Variants in EXOC6B observed in about 807,000 individuals in gnomAD.
EXOC6B encodes SEC15 homolog B.
In EXOC6B, 54 loss-of-function variants were observed where a neutral mutation model predicts 113.5. The ratio of observed to expected loss-of-function variants is 0.48; its 90% CI spans 0.38 to 0.60. The LOEUF is 0.60. Ranked by LOEUF, EXOC6B falls within the 20% of genes least tolerant of loss-of-function variation. EXOC6B has a pLI of 0.00. For synonymous variants in EXOC6B, 357 were observed against 339.0 expected (o/e 1.05, Z -0.58); for missense variants, 797 against 977.5 (o/e 0.82, Z 2.46).
At chr2:72,233,009 T>A (rs2104473641) in intron 20 of EXOC6B, among the ~76,000 whole-genome samples, 1 of 149,750 alleles carries the variant, frequency 6.7e-6, no homozygotes, top group East Asian at 2.0e-4. Flanking sequence ...GAGGTGGAGG[T>A]TTCAGTGAGC....
chr2:72,309,947 G>A (rs1314160730), intron 20 of EXOC6B, among the ~76,000 whole-genome samples: 2 of 152,018 alleles, frequency 1.3e-5, no homozygotes, highest in East Asian at 3.9e-4. Context: ...TTTTTTCAAG[G>A]TTCATCCATG....
chr2:72,519,303 T>C (rs949995245), intron 8 of EXOC6B, among the ~76,000 whole-genome samples: 3 of 152,194 alleles, frequency 2.0e-5, no homozygotes, highest in African/African-American at 7.2e-5. Context: ...TTTTGCACTT[T>C]TTGTTGATGA....
chr2:72,788,712 C>T (rs534371911), intron 1 of EXOC6B, among the ~76,000 whole-genome samples: 3 of 152,142 alleles, frequency 2.0e-5, no homozygotes, highest in Non-Finnish European at 2.9e-5. Context: ...GTGGAAGGAT[C>T]GCGTGAGCCT....
intron 20 of EXOC6B, among the ~76,000 whole-genome samples, chr2:72,281,855 C>T (rs940604130): frequency 2.6e-5 from 4 of 152,192 alleles, no homozygotes; most frequent in African/African-American, 9.6e-5. Context: ...CACAGTGAGA[C>T]CACATCTCTA....
intron 6 of EXOC6B, among the ~76,000 whole-genome samples, chr2:72,648,868 G>T (rs1247541450): frequency 6.6e-6 from 1 of 152,190 alleles, no homozygotes; most frequent in African/African-American, 2.4e-5. Flanking sequence ...CTGAGGCCAG[G>T]TGTGCTGGCT....
intron 6 of EXOC6B, among the ~76,000 whole-genome samples, chr2:72,579,047 T>C (rs1265361613): frequency 6.6e-6 from 1 of 151,988 alleles, no homozygotes; most frequent in East Asian, 1.9e-4. Context: ...AGACTGGAAA[T>C]AGAAAATCTA....
intron 20 of EXOC6B, among the ~76,000 whole-genome samples, chr2:72,215,327 T>G (rs1293199651): frequency 6.6e-6 from 1 of 152,150 alleles, no homozygotes; most frequent in Non-Finnish European, 1.5e-5. Context: ...TCTCTTTAAT[T>G]TATCACTCTA....
intron 20 of EXOC6B, among the ~76,000 whole-genome samples, chr2:72,267,651 G>A (rs756593592): frequency 1.1e-4 from 17 of 152,118 alleles, no homozygotes; most frequent in East Asian, 1.9e-4. Flanking sequence ...TGCTGGATTC[G>A]GTCTGCCAGT....
chr2:72,191,619 G>T (rs952313551), intron 20 of EXOC6B, among the ~76,000 whole-genome samples: 2 of 152,154 alleles, frequency 1.3e-5, no homozygotes, highest in African/African-American at 4.8e-5. Flanking sequence ...CAGAGTAGCT[G>T]GGAAAGACTA....
At chr2:72,431,139 G>T (rs1281523288) in intron 18 of EXOC6B, among the ~76,000 whole-genome samples, 1 of 152,074 alleles carries the variant, frequency 6.6e-6, no homozygotes, top group Non-Finnish European at 1.5e-5. Flanking sequence ...TAAGGCCCCA[G>T]TATCATTTTT....
intron 6 of EXOC6B, among the ~76,000 whole-genome samples, chr2:72,671,569 G>A (rs1320361680): frequency 4.0e-5 from 6 of 151,852 alleles, no homozygotes; most frequent in African/African-American, 1.5e-4. Context: ...GTGGTGGTGG[G>A]TGCCTGTAAT....
chr2:72,526,523 A>G (rs183550446), intron 8 of EXOC6B, among the ~76,000 whole-genome samples: 53 of 151,926 alleles, frequency 3.5e-4, no homozygotes, highest in African/African-American at 1.3e-3. Flanking sequence ...TCAAAATCAC[A>G]TTTGCTACAC....
At position 72,334,906 on chromosome 2, in the gene EXOC6B, A is replaced by G. The variant is rs780193412; in HGVS notation, c.2196+41T>C. 4.4e-6 allele frequency: 7 copies of G among 1,590,548 alleles called. No individual in the cohort carries two copies. The African/African-American group carries it at 9.4e-5, about 21-fold the overall frequency. ...AAGACCTGATGGTCTTCAGTCACACATCTTAAAAGAAAAACAAAAAACAAA... is the reference window on the plus strand; with the variant it reads ...AAGACCTGATGGTCTTCAGTCACACGTCTTAAAAGAAAAACAAAAAACAAA... On this transcript the variant is annotated intron_variant, in intron 20 of 21. Transcript: ENST00000272427.
chr2:72,612,696 A>G (rs1671148786), intron 6 of EXOC6B, among the ~76,000 whole-genome samples: 1 of 152,262 alleles, frequency 6.6e-6, no homozygotes, highest in Non-Finnish European at 1.5e-5. Flanking sequence ...GTGCCTGAGC[A>G]GAAAGACAGA....
chr2:72,780,553 C>T (rs1683968996), intron 1 of EXOC6B, among the ~76,000 whole-genome samples: 1 of 152,186 alleles, frequency 6.6e-6, no homozygotes, highest in South Asian at 2.1e-4. Context: ...GCTATGTACT[C>T]TTAGCTGCAT....
At chr2:72,457,212 T>G (rs1364029127) in intron 18 of EXOC6B, among the ~76,000 whole-genome samples, 2 of 152,066 alleles carry the variant, frequency 1.3e-5, no homozygotes, top group African/African-American at 2.4e-5. Context: ...TACTGACAGT[T>G]TGTACTGACA....
At chr2:72,666,869 T>C (rs887600236) in intron 6 of EXOC6B, among the ~76,000 whole-genome samples, 3 of 150,904 alleles carry the variant, frequency 2.0e-5, no homozygotes, top group Admixed American at 2.0e-4. Flanking sequence ...GAAAGATTTT[T>C]CTTTTTTTTT....
intron 19 of EXOC6B, among the ~76,000 whole-genome samples, chr2:72,377,830 G>A (rs1691445847): frequency 1.3e-5 from 2 of 152,034 alleles, no homozygotes; most frequent in African/African-American, 2.4e-5. Context: ...AAATTGCTAA[G>A]AAAGGAGACT....
intron 1 of EXOC6B, among the ~76,000 whole-genome samples, chr2:72,798,075 G>C: frequency 6.6e-6 from 1 of 151,946 alleles, no homozygotes; most frequent in Non-Finnish European, 1.5e-5. Flanking sequence ...AATAAACTCT[G>C]CTCTCTTAAT....
Sources: allele counts gnomAD v4.1 joint callset (sites outside exome capture counted in the v4.1 genomes callset), GRCh38; gene constraint gnomAD v4.1.1; transcripts MANE v1.5; gene names NCBI Gene and HGNC (gene_info 2026-07-23, HGNC 2026-07-21).